The following GSDMA variants were observed in gnomAD, a reference collection of about 807,000 sequenced individuals.
The protein encoded by GSDMA is gasdermin-A.
A neutral mutation model predicts 54.3 loss-of-function variants in GSDMA; 55 were observed. The observed-to-expected ratio is 1.01, with a 90% confidence interval of 0.82 to 1.27. The LOEUF (loss-of-function observed/expected upper bound fraction) is 1.27, where lower values mean the gene tolerates loss of function less well. Among genes scored for constraint, GSDMA ranks in the 50% most tolerant of loss-of-function variants. The probability of loss-of-function intolerance (pLI) is 0.00; values close to 1 mark genes in which losing one functional copy is unlikely to be tolerated. For synonymous variants in GSDMA, 211 were observed against 224.7 expected, an observed-to-expected ratio of 0.94 and a Z score of 0.54; for missense variants, 542 against 542.6, an observed-to-expected ratio of 1.00 and a Z score of 0.01.
At chr17:39,973,430 C>G (rs987769759) in intron 7 of GSDMA, among the ~76,000 whole-genome samples, 1 of 148,746 alleles carries the variant, frequency 6.7e-6, no homozygotes, top group African/African-American at 2.5e-5. Context: ...CCACCACACT[C>G]GGCGAATTTT....
At chr17:39,968,470 C>T (rs899706338) in intron 3 of GSDMA, among the ~76,000 whole-genome samples, 1 of 151,384 alleles carries the variant, frequency 6.6e-6, no homozygotes, top group Admixed American at 6.6e-5. Flanking sequence ...GCCTCAGCCT[C>T]CTGAGTAGCT....
chr17:39,974,466 C>T (rs752081582), intron 9 of GSDMA, 39 bp downstream of exon 9: 1 of 1,491,208 alleles, frequency 6.7e-7, no homozygotes, highest in South Asian at 1.2e-5. Context: ...TGGGAGAAGG[C>T]ATGTTTTGGT....
chr17:39,966,206 C>T, intron 2 of GSDMA, 54 bp from the exon 3 acceptor site: 8 of 1,580,574 alleles, frequency 5.1e-6, no homozygotes, highest in South Asian at 1.1e-5. Flanking sequence ...GGATTACAGG[C>T]ATGAGTTACT....
In GSDMA at chr17:39,977,118, T is replaced by A; in HGVS notation, c.*60T>A. 6.3e-7 allele frequency: 1 copy of A among 1,582,572 alleles called. No individual in the cohort carries two copies. Among genetic ancestry groups the A allele is most frequent in the Non-Finnish European group, 8.6e-7 (1 of 1,157,890 alleles). On this transcript the variant is annotated 3_prime_UTR_variant, in exon 12 of 12. Transcript: ENST00000301659. ...GCCTTCCCAACCTCGTGGTGCTGTG[T>A]CCTTACCACCTAAGGGCATTTCAGA...
rs943497490 is a variant in GSDMA at position 39,975,025 on chromosome 17, A to G, written c.1021+11A>G. On this transcript the variant is annotated intron_variant, in intron 10 of 11. Coordinates refer to ENST00000301659, the MANE Select transcript of GSDMA (RefSeq NM_178171.5). The stretch of plus-strand genomic sequence containing the variant: ...TTGGAGCCCTAACAGGTAAGTGGGG[A>G]ATAAGGTCTTCATTTATAGACCTTT... 1.3e-6 allele frequency: 2 copies of G among 1,483,682 alleles called. No individual in the cohort carries two copies. Among genetic ancestry groups the G allele is most frequent in the African/African-American group, 1.4e-5 (1 of 72,642 alleles). The allele number at this position is 1,483,682 out of a possible 1,614,324, so 91.9% of individuals were successfully genotyped here.
intron 10 of GSDMA, 122 bp downstream of exon 10, chr17:39,975,136 T>C (rs1980146899): frequency 3.0e-6 from 2 of 666,370 alleles, no homozygotes; most frequent in Admixed American, 2.5e-5. Context: ...GTTAAGTAGT[T>C]TATATCTACA....
intron 4 of GSDMA, among the ~76,000 whole-genome samples, chr17:39,971,255 C>T (rs1329651305): frequency 1.3e-5 from 2 of 152,084 alleles, no homozygotes; most frequent in Non-Finnish European, 2.9e-5. Context: ...TGCCCAGTTC[C>T]CTTCATGCAT....
chr17:39,973,950 C>G (rs917172302), intron 8 of GSDMA, 120 bp downstream of exon 8: 1 of 972,216 alleles, frequency 1.0e-6, no homozygotes, highest in African/African-American at 1.6e-5. Context: ...AACAGACTTT[C>G]TTTCTCCACT....
At chr17:39,972,218 A>C (rs1598305828) in intron 6 of GSDMA, 42 bp downstream of exon 6, 1 of 1,373,808 alleles carries the variant, frequency 7.3e-7, no homozygotes. Flanking sequence ...CTTCCGCCCT[A>C]CCCCTGACAT....
intron 3 of GSDMA, 116 bp downstream of exon 3, chr17:39,966,553 G>A (rs1979679755): frequency 7.4e-6 from 7 of 945,458 alleles, no homozygotes; most frequent in Non-Finnish European, 1.1e-5. Context: ...TGCCAATGTG[G>A]TCATGACAGG....
At chr17:39,975,306 G>A (rs1040930226) in intron 10 of GSDMA, among the ~76,000 whole-genome samples, 1 of 152,014 alleles carries the variant, frequency 6.6e-6, no homozygotes, top group Admixed American at 6.6e-5. Context: ...AAAATTAGCC[G>A]GGCGTGGTGG....
chr17:39,963,195 C>T (rs72832991), intron 1 of GSDMA, 110 bp downstream of exon 1: 16,762 of 152,116 alleles, frequency 0.11, 1,054 homozygotes, highest in African/African-American at 0.15. Flanking sequence ...ATAAGTATCC[C>T]GATAGGCCTT....
chr17:39,972,673 C>T, intron 7 of GSDMA, 60 bp downstream of exon 7: 1 of 1,422,804 alleles, frequency 7.0e-7, no homozygotes, highest in Non-Finnish European at 9.8e-7. Flanking sequence ...AAACTCCAGT[C>T]TTTTTCTTTC....
chr17:39,972,815 G>A (rs1661519671), intron 7 of GSDMA, among the ~76,000 whole-genome samples: 2 of 142,954 alleles, frequency 1.4e-5, no homozygotes, highest in East Asian at 2.1e-4. Flanking sequence ...GTGGTCTGAC[G>A]CCTGAGACCT....
At chr17:39,972,538 G>T (rs1416349081) in intron 6 of GSDMA, 49 bp from the exon 7 acceptor site, 1 of 1,594,932 alleles carries the variant, frequency 6.3e-7, no homozygotes, top group South Asian at 1.1e-5. Flanking sequence ...TAGATGAAAA[G>T]GCAAAAATGG....
chr17:39,969,042 G>A (rs1227712786), intron 3 of GSDMA, among the ~76,000 whole-genome samples: 1 of 152,084 alleles, frequency 6.6e-6, no homozygotes, highest in East Asian at 1.9e-4. Flanking sequence ...TACACACAAG[G>A]TAATCAGCAC....
chr17:39,977,314 T>G lies in GSDMA; in HGVS notation c.*256T>G. ...TTTCTTTTTTTTTTTTTTTTTGAGA[T>G]GGAGGCTCACTCTGTCACCCAGGCT... is the stretch of plus-strand genomic sequence containing the variant. On this transcript the variant is annotated 3_prime_UTR_variant, in exon 12 of 12. Coordinates refer to ENST00000301659, the MANE Select transcript of GSDMA (RefSeq NM_178171.5). 2.8e-6 allele frequency: 1 copy of G among 357,864 alleles called. No individual in the cohort carries two copies. Among genetic ancestry groups the G allele is most frequent in the Non-Finnish European group, 5.0e-6 (1 of 200,908 alleles). The allele number at this position is 357,864 out of a possible 1,614,324, so 22.2% of individuals were successfully genotyped here.
At chr17:39,965,255 A>AGGGG (rs1979587032) in intron 1 of GSDMA, among the ~76,000 whole-genome samples, 3 of 113,210 alleles carry the variant, frequency 2.6e-5, no homozygotes, top group East Asian at 2.9e-4. Context: ...AAAGGGAGGG[A>AGGGG]GGGAGAGAAA....
intron 4 of GSDMA, 133 bp from the exon 5 acceptor site, chr17:39,971,391 C>T: frequency 1.5e-6 from 1 of 646,618 alleles, no homozygotes; most frequent in East Asian, 2.7e-5. Flanking sequence ...ACCAGGGACA[C>T]CACTGAAGGC....
Sources: gnomAD v4.1 joint callset for allele counts (sites outside exome capture counted in the v4.1 genomes callset) on GRCh38, gnomAD v4.1.1 for gene constraint, MANE v1.5 for transcripts, NCBI Gene and HGNC (gene_info 2026-07-23, HGNC 2026-07-21) for gene names.